Variants in GREB1L observed in about 807,000 individuals in gnomAD.
GREB1L encodes GREB1-like protein.
GREB1L carries 17 observed loss-of-function variants against 200.8 expected under a neutral mutation model. That is an observed-to-expected ratio of 0.08 (90% CI 0.06 to 0.13). The LOEUF is 0.13. GREB1L is among the 10% of genes least tolerant of loss of function. GREB1L has a pLI of 1.00. For missense variants in GREB1L, 1,657 were observed against 2,367.7 expected, an observed-to-expected ratio of 0.70 and a Z score of 6.23; for synonymous variants, 789 against 893.0, an observed-to-expected ratio of 0.88 and a Z score of 2.08.
At chr18:21,295,190 C>G (rs1477649679) in intron 1 of GREB1L, among the ~76,000 whole-genome samples, 1 of 152,126 alleles carries the variant, frequency 6.6e-6, no homozygotes, top group Non-Finnish European at 1.5e-5. Flanking sequence ...GGGAATTCGT[C>G]AGTTAAATTG....
chr18:21,422,528 C>T (rs2032240566), intron 7 of GREB1L, among the ~76,000 whole-genome samples: 1 of 152,132 alleles, frequency 6.6e-6, no homozygotes, highest in Non-Finnish European at 1.5e-5. Context: ...ATTTTTACAA[C>T]TTTCTTACTC....
At chr18:21,248,386 A>G (rs2143886582) in intron 1 of GREB1L, among the ~76,000 whole-genome samples, 1 of 152,330 alleles carries the variant, frequency 6.6e-6, no homozygotes, top group South Asian at 2.1e-4. Context: ...TTTTAAAGAA[A>G]ACACATGGAC....
At chr18:21,459,279 C>CTTTTTTTTTTTTTTTTTTTTTTTTTAT (rs746568414) in intron 15 of GREB1L, among the ~76,000 whole-genome samples, 3 of 85,918 alleles carry the variant, frequency 3.5e-5, no homozygotes, top group Non-Finnish European at 6.4e-5. Flanking sequence ...TTTTTCTTTA[C>CTTTTTTTTTTTTTTTTTTTTTTTTTAT]TTTTTTTTTT....
intron 7 of GREB1L, among the ~76,000 whole-genome samples, chr18:21,425,737 G>A (rs2032514978): frequency 6.6e-6 from 1 of 152,104 alleles, no homozygotes; most frequent in African/African-American, 2.4e-5. Context: ...CAGTTGGGTT[G>A]ACTCTTTATT....
In GREB1L at chr18:21,490,335, T is replaced by C; in HGVS notation, c.3014T>C (p.Phe1005Ser). 1 of 1,551,216 alleles carries C rather than the reference T, an allele frequency of 6.4e-7. No homozygotes were observed. Among genetic ancestry groups the C allele is most frequent in the Non-Finnish European group, 8.7e-7 (1 of 1,146,438 alleles). ...ACCGAACTCAGTGTTGCAACTCACT[T>C]TGTGGCGCGATTAAAGGTTAGCAAT... ...PATELSVATH[F>S]VARLKSWRGN... The change falls in exon 19 of 33, where the codon TTT becomes TCT. Residue 1005 changes from phenylalanine (F) to serine (S), a missense_variant. This residue lies in a region of GREB1L where 512 missense variants were observed against 668.3 expected (regional missense o/e 0.77). Transcript: ENST00000424526.
At chr18:21,380,751 T>TAAAGTGTAAAGTGTAA (rs2040269974) in intron 2 of GREB1L, 1 of 152,248 alleles carries the variant, frequency 6.6e-6, no homozygotes, top group Non-Finnish European at 1.5e-5. Flanking sequence ...AAGTGCTTAG[T>TAAAGTGTAAAGTGTAA]AGACTATCTA....
intron 20 of GREB1L, 133 bp from the exon 21 acceptor site, chr18:21,496,321 T>G: frequency 2.2e-6 from 2 of 909,330 alleles, no homozygotes; most frequent in South Asian, 1.8e-5. Context: ...GAGCTGAGGT[T>G]TCAGTCAAGG....
At chr18:21,287,153 T>G (rs1252251337) in intron 1 of GREB1L, among the ~76,000 whole-genome samples, 2 of 152,144 alleles carry the variant, frequency 1.3e-5, no homozygotes, top group African/African-American at 2.4e-5. Context: ...TTTTTTTTTT[T>G]GCCTGAGTTT....
In GREB1L at chr18:21,522,859, G is replaced by GTT. The variant is rs2146139797; in HGVS notation, c.*39_*40insTT. 1 of 1,509,922 alleles carries GTT rather than the reference G, an allele frequency of 6.6e-7. No homozygotes were observed. Among genetic ancestry groups the GTT allele is most frequent in the East Asian group, 2.5e-5 (1 of 40,242 alleles). 93.5% of individuals were successfully genotyped at this position (1,509,922 alleles called of 1,614,324 possible). On this transcript the variant is annotated 3_prime_UTR_variant, in exon 33 of 33. Transcript: ENST00000424526. ...ACCAAAACAGCAAAAAGATGCCTAG[G>GTT]TGGGATGGGACAGAAACAATTTGGG...
intron 7 of GREB1L, among the ~76,000 whole-genome samples, chr18:21,416,468 G>A (rs1276114682): frequency 2.0e-5 from 3 of 151,980 alleles, no homozygotes; most frequent in Non-Finnish European, 2.9e-5. Flanking sequence ...ACTACACCGC[G>A]GATCACGAGG....
At chr18:21,406,862 TAACA>T (rs1482214480) in intron 7 of GREB1L, among the ~76,000 whole-genome samples, 2 of 148,124 alleles carry the variant, frequency 1.4e-5, no homozygotes, top group Admixed American at 6.9e-5. Context: ...TATTTTCTCT[TAACA>T]TTTTCTTCCT....
chr18:21,494,032 T>C (rs1298494235), intron 19 of GREB1L, among the ~76,000 whole-genome samples: 1 of 152,086 alleles, frequency 6.6e-6, no homozygotes, highest in Non-Finnish European at 1.5e-5. Flanking sequence ...AGGGATACCA[T>C]GCGTCCAGTG....
intron 1 of GREB1L, among the ~76,000 whole-genome samples, chr18:21,298,807 G>A (rs1441533719): frequency 6.6e-6 from 1 of 152,124 alleles, no homozygotes; most frequent in Non-Finnish European, 1.5e-5. Context: ...GGTGGCGCAT[G>A]CCTGTAGTCC....
At chr18:21,417,293 G>A (rs2031730230) in intron 7 of GREB1L, among the ~76,000 whole-genome samples, 1 of 151,974 alleles carries the variant, frequency 6.6e-6, no homozygotes, top group African/African-American at 2.4e-5. Flanking sequence ...AGGCTGAGGT[G>A]GGTGGATCAC....
At chr18:21,477,407 G>A in intron 17 of GREB1L, 51 bp downstream of exon 17, 2 of 1,401,658 alleles carry the variant, frequency 1.4e-6, no homozygotes, top group Non-Finnish European at 1.9e-6. Flanking sequence ...CAGTTCCCAA[G>A]AGGGTAGGAC....
chr18:21,298,699 T>C (rs1408573762), intron 1 of GREB1L, among the ~76,000 whole-genome samples: 1 of 152,212 alleles, frequency 6.6e-6, no homozygotes, highest in Non-Finnish European at 1.5e-5. Flanking sequence ...AAATGAAGGC[T>C]GAGGCAGGAG....
At chr18:21,397,524 C>CA (rs10719044) in intron 5 of GREB1L, among the ~76,000 whole-genome samples, 4,337 of 103,286 alleles carry the variant, frequency 0.042, 115 homozygotes, top group East Asian at 0.052. Context: ...GACTCCGTCT[C>CA]AAAAAAAAAA....
At chr18:21,424,894 A>C (rs2032439810) in intron 7 of GREB1L, among the ~76,000 whole-genome samples, 1 of 152,132 alleles carries the variant, frequency 6.6e-6, no homozygotes, top group Admixed American at 6.6e-5. Context: ...TGGGCATTTC[A>C]TATAATTGTT....
intron 1 of GREB1L, among the ~76,000 whole-genome samples, chr18:21,286,992 CAT>C (rs2038367846): frequency 6.6e-6 from 1 of 152,150 alleles, no homozygotes; most frequent in Non-Finnish European, 1.5e-5. Flanking sequence ...TACTTCTAGT[CAT>C]GTAGCTTCTC....
Sources: allele counts gnomAD v4.1 joint callset (sites outside exome capture counted in the v4.1 genomes callset), GRCh38; gene constraint gnomAD v4.1.1; regional missense constraint gnomAD v4.1.1; transcripts MANE v1.5; gene names NCBI Gene and HGNC (gene_info 2026-07-23, HGNC 2026-07-21).